TTC21A: variants seen among roughly 807,000 people sequenced by gnomAD.
The protein encoded by TTC21A is tetratricopeptide repeat protein 21A.
Under a neutral mutation model 156.4 loss-of-function variants are expected in TTC21A, and 128 were observed. That is an observed-to-expected ratio of 0.82 (90% CI 0.71 to 0.95). TTC21A has a LOEUF of 0.95. Ranked by LOEUF, TTC21A falls within the 40% of genes least tolerant of loss-of-function variation. The pLI, the probability that TTC21A is intolerant of heterozygous loss-of-function variation, is 0.00. For synonymous variants in TTC21A, 587 were observed against 617.1 expected, an observed-to-expected ratio of 0.95 and a Z score of 0.72; for missense variants, 1,435 against 1,602.3, an observed-to-expected ratio of 0.90 and a Z score of 1.78.
At chr3:39,108,511 T>A (rs1401170846) in intron 1 of TTC21A, 1 of 153,916 alleles carries the variant, frequency 6.5e-6, no homozygotes, top group Non-Finnish European at 1.4e-5. Context: ...TGCTTTCTGT[T>A]ACCCTTAGGA....
At chr3:39,126,451 CTGCAGGCTCCT>C in intron 12 of TTC21A, 61 bp downstream of exon 12, 1 of 1,506,484 alleles carries the variant, frequency 6.6e-7, no homozygotes, top group African/African-American at 1.4e-5. Flanking sequence ...AGCTTTGTGT[CTGCAGGCTCCT>C]TGCCTAGGAT....
Position 39,107,747 on chromosome 3 carries a change from C to A in TTC21A, c.-91C>A. The stretch of plus-strand genomic sequence containing the variant: ...CAAGGACTGTAACGCCTTCAACCGC[C>A]CGCCGCGATAGAGTGCCCACGACCC... On this transcript the variant is annotated 5_prime_UTR_variant, in exon 1 of 29. Transcript: ENST00000683103. The A allele has an allele frequency of 6.3e-7, 1 of 1,578,848 alleles. No individual in the cohort carries two copies. The highest frequency in any genetic ancestry group is 2.2e-5 in the East Asian group (1 of 44,714).
intron 3 of TTC21A, 62 bp downstream of exon 3, chr3:39,110,201 G>A (rs748962405): frequency 7.8e-7 from 1 of 1,288,006 alleles, no homozygotes; most frequent in Non-Finnish European, 1.1e-6. Context: ...CTGCCCCAGA[G>A]ATAACACAGC....
At chr3:39,127,814 C>T (rs899029270) in intron 12 of TTC21A, among the ~76,000 whole-genome samples, 5 of 152,198 alleles carry the variant, frequency 3.3e-5, no homozygotes, top group Non-Finnish European at 5.9e-5. Flanking sequence ...CCTTCCAAGC[C>T]GAGTGGCTTA....
intron 14 of TTC21A, 40 bp downstream of exon 14, chr3:39,128,972 C>T: frequency 6.2e-7 from 1 of 1,610,288 alleles, no homozygotes; most frequent in South Asian, 1.1e-5. Context: ...GACTGGGGCA[C>T]ACTGGAGGCT....
chr3:39,120,023 A>G lies in TTC21A; in HGVS notation c.900+3A>G, dbSNP rs759965358. The stretch of plus-strand genomic sequence containing the variant: ...AAATTATTGTGGTTAGCCGACTGGT[A>G]AGAAGGTTCTTTCCTGGTTCTGAAA... On this transcript the variant is annotated splice_donor_region_variant and intron_variant, in intron 8 of 28. Transcript: ENST00000683103. The G allele has an allele frequency of 3.2e-6, 5 of 1,586,374 alleles. No individual in the cohort carries two copies. The South Asian group carries it at 3.3e-5, about 11-fold the overall frequency.
chr3:39,113,987 A>G (rs946675848), intron 5 of TTC21A, among the ~76,000 whole-genome samples: 1 of 152,240 alleles, frequency 6.6e-6, no homozygotes, highest in Non-Finnish European at 1.5e-5. Flanking sequence ...GTCTTTTAGA[A>G]GCATTGCCCC....
chr3:39,115,530 G>A (rs530135965), intron 6 of TTC21A, among the ~76,000 whole-genome samples: 1 of 152,152 alleles, frequency 6.6e-6, no homozygotes, highest in Admixed American at 6.5e-5. Context: ...ACTGGGCATG[G>A]TGGTGTGCAC....
At chr3:39,118,192 A>G (rs760741161) in intron 7 of TTC21A, 39 bp downstream of exon 7, 2 of 1,588,474 alleles carry the variant, frequency 1.3e-6, no homozygotes, top group East Asian at 2.2e-5. Context: ...TCCTTGAAAC[A>G]GAATCAAGGA....
In TTC21A at chr3:39,112,592, A is replaced by G. The variant is rs762300155; in HGVS notation, c.558+12A>G. 1.9e-6 allele frequency: 3 copies of G among 1,613,420 alleles called. No individual in the cohort carries two copies. The South Asian group carries it at 3.3e-5, about 18-fold the overall frequency. ...GGCTGATGGGAAAGGTGGGCAGTGG[A>G]AAAGGGAGAGGTGGAAGTATTCCTG... On this transcript the variant is annotated intron_variant, in intron 5 of 28. Transcript: ENST00000683103.
At position 39,121,129 on chromosome 3, in the gene TTC21A, G is replaced by C; in HGVS notation, c.1033G>C (p.Ala345Pro). The C allele has an allele frequency of 3.7e-6, 6 of 1,614,114 alleles. No homozygotes were observed. The highest frequency in any genetic ancestry group is 5.1e-6 in the Non-Finnish European group (6 of 1,180,004). Residue 345 changes from alanine (A) to proline (P), a missense_variant, in exon 9 of 29, where the codon GCC becomes CCC. Physicochemically the swap from Ala to Pro is conservative, Grantham distance 27. Transcript: ENST00000683103. ...CATCCTGAAGAACCAAGTGAAAGAG[G>C]CCTTGCTGTGGTATTCAGAAGCCAT... ...LFILKNQVKEALLWYSEAMKL... is the reference protein window; with the variant it reads ...LFILKNQVKEPLLWYSEAMKL...
In TTC21A at chr3:39,110,016, A is replaced by G; in HGVS notation, c.158-13A>G. On this transcript the variant is annotated splice_polypyrimidine_tract_variant and intron_variant, in intron 2 of 28. Transcript: ENST00000683103. ...GGAGCTTGAGAGTATAACTATGTGGACTGTCTTTGCAGAGCACATCCAGGA... is the reference window on the plus strand; with the variant it reads ...GGAGCTTGAGAGTATAACTATGTGGGCTGTCTTTGCAGAGCACATCCAGGA... 6.3e-7 allele frequency: 1 copy of G among 1,599,822 alleles called. No homozygotes were observed.
chr3:39,130,408 GA>G lies in TTC21A; in HGVS notation c.2319+52del. 1 of 1,455,778 alleles carries G rather than the reference GA, an allele frequency of 6.9e-7. No homozygotes were observed. The highest frequency in any genetic ancestry group is 9.5e-7 in the Non-Finnish European group (1 of 1,053,144). 90.2% of individuals were successfully genotyped at this position (1,455,778 alleles called of 1,614,324 possible). On this transcript the variant is annotated intron_variant, in intron 17 of 28. Coordinates refer to ENST00000683103, the MANE Select transcript of TTC21A (RefSeq NM_001366900.1). This position sits in a 1 kb window ranked among gnomAD's most constrained non-coding sequence, Gnocchi z 4.5. ...GGGCAGGGAGGGCCAGCCCAGCAGG[GA>G]AGGAGGAGGACGGTACATGACTGGG...
chr3:39,130,670 C>G lies in TTC21A; in HGVS notation c.2320-31C>G. On this transcript the variant is annotated intron_variant, in intron 17 of 28. Transcript: ENST00000683103. The surrounding 1 kb of genome is among the most constrained non-coding windows in gnomAD (Gnocchi z 4.5). Reference sequence around the variant, plus strand: ...TCGGGCACTGAAGGGCAGAACCAGGCCAGAGGCTAATATTTACTGTTTGCA... The same window carrying G: ...TCGGGCACTGAAGGGCAGAACCAGGGCAGAGGCTAATATTTACTGTTTGCA... The G allele has an allele frequency of 6.2e-7, 1 of 1,611,838 alleles. No individual in the cohort carries two copies. The highest frequency in any genetic ancestry group is 8.5e-7 in the Non-Finnish European group (1 of 1,178,420).
chr3:39,111,540 T>C (rs974105892), intron 4 of TTC21A, among the ~76,000 whole-genome samples: 3 of 152,206 alleles, frequency 2.0e-5, no homozygotes, highest in Non-Finnish European at 2.9e-5. Flanking sequence ...GCAGCCCATA[T>C]ACTGTATATC....
chr3:39,126,246 G>C lies in TTC21A; in HGVS notation c.1393-15G>C. The C allele has an allele frequency of 6.2e-7, 1 of 1,613,768 alleles. No individual in the cohort carries two copies. Among genetic ancestry groups the C allele is most frequent in the East Asian group, 2.2e-5 (1 of 44,866 alleles). On this transcript the variant is annotated splice_polypyrimidine_tract_variant and intron_variant, in intron 11 of 28. Transcript: ENST00000683103. ...GGGCAAACCTACTCCCACCTCCACC[G>C]CCGTGTTCCCACAGCCCAGGTTACC...
rs779657932 is a variant in TTC21A at position 39,134,446 on chromosome 3, T to C, written c.2862+118T>C. 1.3e-6 allele frequency: 1 copy of C among 786,828 alleles called. No homozygotes were observed. The highest frequency in any genetic ancestry group is 1.4e-5 in the South Asian group (1 of 73,148). 48.7% of individuals were successfully genotyped at this position (786,828 alleles called of 1,614,324 possible). ...CTCAGATGCCTCACTGACACACCTC[T>C]GAGGAGCTGTCGGGCAGAGAGGACT... On this transcript the variant is annotated intron_variant, in intron 21 of 28. Coordinates refer to ENST00000683103, the MANE Select transcript of TTC21A (RefSeq NM_001366900.1). This position sits in a 1 kb window ranked among gnomAD's most constrained non-coding sequence, Gnocchi z 4.6.
chr3:39,118,176 A>C (rs770939688), intron 7 of TTC21A, 23 bp downstream of exon 7: 1 of 1,611,940 alleles, frequency 6.2e-7, no homozygotes, highest in South Asian at 1.1e-5. Flanking sequence ...AAGACTCAGA[A>C]GGTGATCCTT....
At chr3:39,123,767 A>C (rs1248159294) in intron 9 of TTC21A, among the ~76,000 whole-genome samples, 1 of 152,218 alleles carries the variant, frequency 6.6e-6, no homozygotes, top group Non-Finnish European at 1.5e-5. Flanking sequence ...GTACTGTAAA[A>C]ATAGTTAAAG....
Sources: allele counts gnomAD v4.1 joint callset (sites outside exome capture counted in the v4.1 genomes callset), GRCh38; gene constraint gnomAD v4.1.1; non-coding constraint Gnocchi (gnomAD v3.1); transcripts MANE v1.5; gene names NCBI Gene and HGNC (gene_info 2026-07-23, HGNC 2026-07-21).